CTNND2: variants seen among roughly 807,000 people sequenced by gnomAD.
CTNND2 encodes the protein catenin delta 2.
In CTNND2, 22 loss-of-function variants were observed where a neutral mutation model predicts 144.4. The ratio of observed to expected loss-of-function variants is 0.15; its 90% CI spans 0.11 to 0.22. CTNND2 has a LOEUF of 0.22. Among genes scored for constraint, CTNND2 ranks in the 10% least tolerant of loss-of-function variants. The pLI, the probability that CTNND2 is intolerant of heterozygous loss-of-function variation, is 1.00. For missense variants in CTNND2, 1,353 were observed against 1,618.8 expected, an observed-to-expected ratio of 0.84 and a Z score of 2.82; for synonymous variants, 751 against 695.6, an observed-to-expected ratio of 1.08 and a Z score of -1.25.
chr5:11,857,519 GT>G (rs1795305827), intron 1 of CTNND2, among the ~76,000 whole-genome samples: 1 of 152,150 alleles, frequency 6.6e-6, no homozygotes, highest in African/African-American at 2.4e-5. Flanking sequence ...TTGCTGATGA[GT>G]TTATACCTGT....
chr5:11,008,136 C>G (rs1168135784), intron 18 of CTNND2, among the ~76,000 whole-genome samples: 1 of 152,086 alleles, frequency 6.6e-6, no homozygotes, highest in Admixed American at 6.5e-5. Context: ...AGACTTTGAT[C>G]ATTACACTCA....
At chr5:11,007,568 T>C (rs1740619595) in intron 18 of CTNND2, among the ~76,000 whole-genome samples, 1 of 152,284 alleles carries the variant, frequency 6.6e-6, no homozygotes, top group South Asian at 2.1e-4. Flanking sequence ...CTAATGTTCT[T>C]ATATTGTTCC....
At chr5:11,112,427 G>A (rs988700275) in intron 13 of CTNND2, among the ~76,000 whole-genome samples, 1 of 152,158 alleles carries the variant, frequency 6.6e-6, no homozygotes, top group Non-Finnish European at 1.5e-5. Flanking sequence ...TGCTGGAATA[G>A]GGAAGGGAAC....
At chr5:11,671,075 CT>C (rs1457447059) in intron 2 of CTNND2, among the ~76,000 whole-genome samples, 2 of 152,178 alleles carry the variant, frequency 1.3e-5, no homozygotes, top group Non-Finnish European at 2.9e-5. Context: ...TTTGAAAATT[CT>C]TTTCTGTAAG....
chr5:11,304,058 C>T (rs1749904025), intron 9 of CTNND2, among the ~76,000 whole-genome samples: 1 of 152,110 alleles, frequency 6.6e-6, no homozygotes. Context: ...GATTGTGAGG[C>T]CTCCCCAGCC....
chr5:11,083,816 C>T, intron 15 of CTNND2: 4 of 910,008 alleles, frequency 4.4e-6, no homozygotes, highest in Non-Finnish European at 5.4e-6. Context: ...CCACCCAGTC[C>T]CCCCACCAGG....
At chr5:11,313,108 C>T (rs2150055704) in intron 9 of CTNND2, among the ~76,000 whole-genome samples, 1 of 152,306 alleles carries the variant, frequency 6.6e-6, no homozygotes, top group Non-Finnish European at 1.5e-5. Flanking sequence ...TGTGTTTGGA[C>T]TGACACTTTC....
At position 10,973,791 on chromosome 5, in the gene CTNND2, C is replaced by G. The variant is rs896696132; in HGVS notation, c.3418-78G>C. 1.5e-5 allele frequency: 22 copies of G among 1,476,844 alleles called. No individual in the cohort carries two copies. The highest frequency in any genetic ancestry group is 1.7e-5 in the Non-Finnish European group (19 of 1,105,892). 91.5% of individuals were successfully genotyped at this position (1,476,844 alleles called of 1,614,324 possible). ...CTGCCTCTTGCCCCGGCACCCAACT[C>G]TCCTTCAAAGAATAGGCTGTGTATA... On this transcript the variant is annotated intron_variant, in intron 21 of 21. Coordinates refer to ENST00000304623, the MANE Select transcript of CTNND2 (RefSeq NM_001332.4). The surrounding 1 kb of genome is among the most constrained non-coding windows in gnomAD (Gnocchi z 5.6).
At chr5:11,063,566 G>A (rs1580178154) in intron 16 of CTNND2, among the ~76,000 whole-genome samples, 1 of 104,806 alleles carries the variant, frequency 9.5e-6, no homozygotes, top group Non-Finnish European at 1.6e-5. Flanking sequence ...TAAAATTTTC[G>A]GGGGAGGTAG....
At position 11,190,629 on chromosome 5, in the gene CTNND2, C is replaced by T. The variant is rs1027567187; in HGVS notation, c.1975+8819G>A. Among the ~76,000 whole-genome samples the T allele has an allele frequency of 8.5e-5, 13 of 152,310 alleles. 1 individual carries two copies. Among genetic ancestry groups the T allele is most frequent in the Admixed American group, 8.5e-4 (13 of 15,308 alleles). ...AGAAGACAGTATGAAATAGAAGGTT[C>T]TATAAACTATGGCCTGAGCTACCTG... On this transcript the variant is annotated intron_variant, in intron 11 of 21. Coordinates refer to ENST00000304623, the MANE Select transcript of CTNND2 (RefSeq NM_001332.4).
chr5:11,797,805 T>C (rs539991840), intron 1 of CTNND2, among the ~76,000 whole-genome samples: 2 of 152,358 alleles, frequency 1.3e-5, no homozygotes, highest in East Asian at 3.9e-4. Flanking sequence ...TGTAGTATAG[T>C]TGCTTGACTT....
intron 15 of CTNND2, among the ~76,000 whole-genome samples, chr5:11,094,018 T>C (rs1751050682): frequency 6.6e-6 from 1 of 152,212 alleles, no homozygotes. Context: ...CAAAAGATGA[T>C]GATAATGTGA....
chr5:11,066,502 C>A (rs926838930), intron 16 of CTNND2, among the ~76,000 whole-genome samples: 1 of 150,332 alleles, frequency 6.7e-6, no homozygotes, highest in Non-Finnish European at 1.5e-5. Context: ...ACCCCCTGCA[C>A]TTTGAGTTGT....
chr5:11,259,908 T>C (rs2149952148), intron 9 of CTNND2, among the ~76,000 whole-genome samples: 1 of 152,344 alleles, frequency 6.6e-6, no homozygotes, highest in East Asian at 1.9e-4. Flanking sequence ...TCTGCTGTGC[T>C]TTTTCACTAA....
intron 9 of CTNND2, among the ~76,000 whole-genome samples, chr5:11,272,077 T>TA (rs1463799034): frequency 1.3e-5 from 2 of 152,116 alleles, no homozygotes; most frequent in Admixed American, 6.6e-5. Context: ...TCCATGTTTC[T>TA]AAAAAAATAC....
chr5:11,658,932 AAAT>A (rs1783049876), intron 2 of CTNND2, among the ~76,000 whole-genome samples: 1 of 152,194 alleles, frequency 6.6e-6, no homozygotes, highest in African/African-American at 2.4e-5. Flanking sequence ...ATTATGAATT[AAAT>A]ATTATCATAA....
chr5:11,778,220 C>T (rs1790357895), intron 1 of CTNND2, among the ~76,000 whole-genome samples: 1 of 152,082 alleles, frequency 6.6e-6, no homozygotes, highest in Non-Finnish European at 1.5e-5. Context: ...TACATCCAAT[C>T]CCATCCTAGT....
chr5:11,378,988 A>T (rs1349704353), intron 7 of CTNND2, among the ~76,000 whole-genome samples: 1 of 152,204 alleles, frequency 6.6e-6, no homozygotes, highest in African/African-American at 2.4e-5. Context: ...GATTTAAATC[A>T]TTGGTTAAGA....
intron 2 of CTNND2, among the ~76,000 whole-genome samples, chr5:11,721,705 A>C (rs1432147361): frequency 6.6e-6 from 1 of 152,204 alleles, no homozygotes; most frequent in Non-Finnish European, 1.5e-5. Context: ...GCATGCCTGG[A>C]GACTGCGTGC....
Sources: allele counts gnomAD v4.1 joint callset (sites outside exome capture counted in the v4.1 genomes callset), GRCh38; gene constraint gnomAD v4.1.1; non-coding constraint Gnocchi (gnomAD v3.1); transcripts MANE v1.5; gene names NCBI Gene and HGNC (gene_info 2026-07-23, HGNC 2026-07-21).